NRG3: variants seen among roughly 807,000 people sequenced by gnomAD.
NRG3 encodes neuregulin 3.
NRG3 carries 31 observed loss-of-function variants against 66.9 expected under a neutral mutation model. That is an observed-to-expected ratio of 0.46 (90% CI 0.35 to 0.63). The LOEUF is 0.63. NRG3 is among the 20% of genes least tolerant of loss of function. NRG3 has a pLI of 0.00. For missense variants in NRG3, 910 were observed against 878.9 expected, an observed-to-expected ratio of 1.04 and a Z score of -0.45; for synonymous variants, 393 against 359.4, an observed-to-expected ratio of 1.09 and a Z score of -1.06.
intron 2 of NRG3, among the ~76,000 whole-genome samples, chr10:82,650,988 A>C (rs2051366527): frequency 6.6e-6 from 1 of 152,194 alleles, no homozygotes; most frequent in South Asian, 2.1e-4. Flanking sequence ...TAAACAGAGA[A>C]GCTTTAGCTC....
chr10:82,310,174 C>T (rs755858588), intron 1 of NRG3, among the ~76,000 whole-genome samples: 27 of 152,128 alleles, frequency 1.8e-4, no homozygotes, highest in Non-Finnish European at 3.4e-4. Context: ...ATTGTAAGCG[C>T]GACATTGCTG....
At chr10:82,382,018 T>A (rs1036050423) in intron 2 of NRG3, among the ~76,000 whole-genome samples, 9 of 152,200 alleles carry the variant, frequency 5.9e-5, no homozygotes, top group African/African-American at 2.2e-4. Flanking sequence ...TTTTAATTCC[T>A]AGCAGTATAA....
chr10:82,665,571 T>A (rs1182247075), intron 2 of NRG3, among the ~76,000 whole-genome samples: 1 of 152,220 alleles, frequency 6.6e-6, no homozygotes. Flanking sequence ...AATACCTACC[T>A]TGATCTTTTA....
chr10:82,109,181 C>T (rs1186369742), intron 1 of NRG3, among the ~76,000 whole-genome samples: 1 of 152,174 alleles, frequency 6.6e-6, no homozygotes, highest in East Asian at 1.9e-4. Flanking sequence ...GTTACCTCCA[C>T]AACAGCCAAG....
chr10:81,989,198 G>T (rs1257117681), intron 1 of NRG3, among the ~76,000 whole-genome samples: 1 of 152,106 alleles, frequency 6.6e-6, no homozygotes, highest in Admixed American at 6.6e-5. Context: ...AGTACGGAGA[G>T]TTTTTTTGGA....
In NRG3 at chr10:82,344,250, T is replaced by G. The variant is rs1333039158; in HGVS notation, c.824-14489T>G. On this transcript the variant is annotated intron_variant, in intron 1 of 8. Coordinates refer to ENST00000372141, the MANE Select transcript of NRG3 (RefSeq NM_001010848.4). The stretch of plus-strand genomic sequence containing the variant: ...CACAACAGTCCCCAGAGTATGATAT[T>G]CCCCTTCCTGTGTCCACGTGATCTC... 2.6e-5 allele frequency among the ~76,000 whole-genome samples: 4 copies of G among 151,124 alleles called. No individual in the cohort carries two copies. The South Asian group carries it at 6.3e-4, about 24-fold the overall frequency.
intron 1 of NRG3, among the ~76,000 whole-genome samples, chr10:82,304,541 CT>C (rs1294679742): frequency 6.6e-6 from 1 of 151,670 alleles, no homozygotes; most frequent in African/African-American, 2.4e-5. Flanking sequence ...CTCTTTCTTT[CT>C]TTTAGAGTTT....
At chr10:82,966,251 C>T (rs796663499) in intron 6 of NRG3, among the ~76,000 whole-genome samples, 27 of 152,196 alleles carry the variant, frequency 1.8e-4, no homozygotes, top group African/African-American at 5.1e-4. Flanking sequence ...TCCCAGGTAC[C>T]GCATTACATC....
chr10:81,985,775 C>T (rs2060495330), intron 1 of NRG3, among the ~76,000 whole-genome samples: 1 of 152,144 alleles, frequency 6.6e-6, no homozygotes, highest in Non-Finnish European at 1.5e-5. Context: ...CATGAATCAC[C>T]CACATGAGTG....
At chr10:82,517,911 A>C (rs1236456261) in intron 2 of NRG3, among the ~76,000 whole-genome samples, 1 of 152,160 alleles carries the variant, frequency 6.6e-6, no homozygotes, top group Non-Finnish European at 1.5e-5. Flanking sequence ...GAAAAGAAAA[A>C]ATAACATTAA....
At chr10:82,981,045 C>T (rs1278269474) in intron 8 of NRG3, among the ~76,000 whole-genome samples, 1 of 152,152 alleles carries the variant, frequency 6.6e-6, no homozygotes, top group African/African-American at 2.4e-5. Flanking sequence ...AAACCCAGCT[C>T]ATGCTGGCCT....
chr10:82,445,091 G>T (rs552316722), intron 2 of NRG3, among the ~76,000 whole-genome samples: 7 of 151,504 alleles, frequency 4.6e-5, no homozygotes, highest in African/African-American at 1.5e-4. Context: ...AAGGTCTAAG[G>T]TTCTTCTTTT....
intron 4 of NRG3, among the ~76,000 whole-genome samples, chr10:82,939,494 C>T (rs1397745144): frequency 6.6e-6 from 1 of 151,726 alleles, no homozygotes; most frequent in Non-Finnish European, 1.5e-5. Flanking sequence ...TTGTTTGAGA[C>T]GGAGCCTCCC....
At chr10:82,396,007 T>A in intron 2 of NRG3, among the ~76,000 whole-genome samples, 1 of 152,216 alleles carries the variant, frequency 6.6e-6, no homozygotes, top group East Asian at 1.9e-4. Context: ...TATTAAAATC[T>A]TATCAGGAGC....
intron 1 of NRG3, among the ~76,000 whole-genome samples, chr10:82,308,990 C>G (rs1564777912): frequency 6.6e-6 from 1 of 152,150 alleles, no homozygotes; most frequent in African/African-American, 2.4e-5. Flanking sequence ...TTTATCTCTC[C>G]CTCAACTGTT....
At chr10:82,860,823 T>C (rs1437175335) in intron 3 of NRG3, among the ~76,000 whole-genome samples, 1 of 152,250 alleles carries the variant, frequency 6.6e-6, no homozygotes, top group African/African-American at 2.4e-5. Context: ...ATCTGTGCAG[T>C]ACTTGACACA....
At chr10:81,999,201 T>A (rs1283865553) in intron 1 of NRG3, among the ~76,000 whole-genome samples, 1 of 152,240 alleles carries the variant, frequency 6.6e-6, no homozygotes, top group Non-Finnish European at 1.5e-5. Context: ...ACGTGAAAGG[T>A]AAAACATGTG....
At chr10:82,980,724 A>G (rs1852782558) in intron 8 of NRG3, among the ~76,000 whole-genome samples, 1 of 152,180 alleles carries the variant, frequency 6.6e-6, no homozygotes, top group Non-Finnish European at 1.5e-5. Context: ...TTCCAAATGG[A>G]CTGTAAAAGG....
chr10:82,073,658 A>G (rs1331579077), intron 1 of NRG3, among the ~76,000 whole-genome samples: 1 of 152,120 alleles, frequency 6.6e-6, no homozygotes, highest in Non-Finnish European at 1.5e-5. Context: ...GGGATGTGCT[A>G]TAATTTATCT....
Sources: gnomAD v4.1 joint callset for allele counts (sites outside exome capture counted in the v4.1 genomes callset) on GRCh38, gnomAD v4.1.1 for gene constraint, MANE v1.5 for transcripts, NCBI Gene and HGNC (gene_info 2026-07-23, HGNC 2026-07-21) for gene names.